The following TTC28 variants were observed in gnomAD, a reference collection of about 807,000 sequenced individuals.
TTC28 encodes the protein tetratricopeptide repeat domain 28.
In TTC28, 61 loss-of-function variants were observed where a neutral mutation model predicts 198.0. The observed-to-expected ratio is 0.31, with a 90% CI of 0.25 to 0.38. TTC28 has a LOEUF of 0.38. TTC28 is among the 10% of genes least tolerant of loss of function. The pLI, the probability that TTC28 is intolerant of heterozygous loss-of-function variation, is 1.00. For missense variants in TTC28, 2,678 were observed against 3,164.0 expected, an observed-to-expected ratio of 0.85 and a Z score of 3.69; for synonymous variants, 1,171 against 1,297.8, an observed-to-expected ratio of 0.90 and a Z score of 2.10.
chr22:28,309,678 A>G (rs1182091147), intron 2 of TTC28, among the ~76,000 whole-genome samples: 1 of 152,200 alleles, frequency 6.6e-6, no homozygotes, highest in African/African-American at 2.4e-5. Flanking sequence ...GCAGCATGCC[A>G]AAGATGGGTG....
intron 5 of TTC28, among the ~76,000 whole-genome samples, chr22:28,165,364 G>A (rs1370450575): frequency 2.0e-5 from 3 of 152,050 alleles, no homozygotes; most frequent in Non-Finnish European, 2.9e-5. Flanking sequence ...GCAACGCCAA[G>A]ACACATAATT....
At chr22:28,014,187 G>A (rs920555816) in intron 14 of TTC28, 61 bp downstream of exon 14, 15 of 1,497,604 alleles carry the variant, frequency 1.0e-5, no homozygotes, top group African/African-American at 5.6e-5. Context: ...ACATGTGGGC[G>A]CTGACTGGTA....
chr22:28,437,712 C>G (rs2047542049), intron 2 of TTC28, among the ~76,000 whole-genome samples: 1 of 152,098 alleles, frequency 6.6e-6, no homozygotes, highest in Non-Finnish European at 1.5e-5. Flanking sequence ...CCCACCTCAG[C>G]CTCCCACACA....
intron 2 of TTC28, among the ~76,000 whole-genome samples, chr22:28,623,555 T>A (rs1465568592): frequency 6.6e-6 from 1 of 152,198 alleles, no homozygotes. Context: ...TGGACTTCAT[T>A]GATATCTATG....
intron 12 of TTC28, 130 bp downstream of exon 12, chr22:28,093,950 G>T: frequency 1.1e-6 from 1 of 921,130 alleles, no homozygotes; most frequent in Non-Finnish European, 1.6e-6. Context: ...TGCTGCAGCA[G>T]CTGTGAACAG....
chr22:28,170,009 C>T (rs1384449283), intron 5 of TTC28, among the ~76,000 whole-genome samples: 1 of 152,038 alleles, frequency 6.6e-6, no homozygotes, highest in Non-Finnish European at 1.5e-5. Context: ...AGAACACATC[C>T]AAACAGCAAG....
chr22:28,235,601 AC>A (rs1265823476), intron 5 of TTC28, among the ~76,000 whole-genome samples: 1 of 152,248 alleles, frequency 6.6e-6, no homozygotes, highest in Non-Finnish European at 1.5e-5. Context: ...GACAAAAATA[AC>A]ACTGGAATAG....
chr22:28,022,821 A>C (rs899469331), intron 13 of TTC28, among the ~76,000 whole-genome samples: 7 of 152,232 alleles, frequency 4.6e-5, no homozygotes, highest in Non-Finnish European at 7.3e-5. Context: ...GCCTCAATTC[A>C]ATTAAAAAAC....
At chr22:28,120,052 A>G (rs1038568189) in intron 6 of TTC28, among the ~76,000 whole-genome samples, 6 of 152,206 alleles carry the variant, frequency 3.9e-5, no homozygotes, top group Non-Finnish European at 7.3e-5. Context: ...GATTATTAAT[A>G]AGGGAGAGGG....
chr22:28,205,340 C>T (rs1356484253), intron 5 of TTC28, among the ~76,000 whole-genome samples: 1 of 151,986 alleles, frequency 6.6e-6, no homozygotes. Context: ...GCCTATTTTT[C>T]CCAGAGCCTC....
At chr22:28,400,588 T>C (rs2046891627) in intron 2 of TTC28, among the ~76,000 whole-genome samples, 1 of 152,178 alleles carries the variant, frequency 6.6e-6, no homozygotes, top group Non-Finnish European at 1.5e-5. Flanking sequence ...CACTTGGAAA[T>C]GTCTCCTTAT....
rs134480 is a variant in TTC28 at position 28,324,428 on chromosome 22, CAA to C, written c.382-17787_382-17786del. 3.3e-4 allele frequency among the ~76,000 whole-genome samples: 49 copies of C among 146,446 alleles called. 1 individual carries two copies. Among genetic ancestry groups the C allele is most frequent in the South Asian group, 1.5e-3 (7 of 4,592 alleles). ...CTGATACCAAAACCTGGGAGAGACACAAAAAAAAAAAAGAAAATTTCAGGCCA... is the reference window on the plus strand; with the variant it reads ...CTGATACCAAAACCTGGGAGAGACACAAAAAAAAAAGAAAATTTCAGGCCA... On this transcript the variant is annotated intron_variant, in intron 2 of 22. Transcript: ENST00000397906.
At chr22:28,013,846 T>C (rs1021351514) in intron 14 of TTC28, among the ~76,000 whole-genome samples, 5 of 152,168 alleles carry the variant, frequency 3.3e-5, no homozygotes, top group African/African-American at 1.2e-4. Context: ...CTCACACTGA[T>C]GCACGGCCCC....
At chr22:28,112,143 T>C (rs1274009111) in intron 6 of TTC28, among the ~76,000 whole-genome samples, 1 of 152,210 alleles carries the variant, frequency 6.6e-6, no homozygotes, top group Non-Finnish European at 1.5e-5. Context: ...AATAAGGTCA[T>C]ATTATAATCA....
At chr22:28,157,338 C>T (rs1454532121) in intron 6 of TTC28, among the ~76,000 whole-genome samples, 1 of 152,142 alleles carries the variant, frequency 6.6e-6, no homozygotes, top group African/African-American at 2.4e-5. Context: ...AGTCCAGGAC[C>T]TGATGGCTTC....
intron 2 of TTC28, among the ~76,000 whole-genome samples, chr22:28,450,878 A>C (rs2047768471): frequency 6.6e-6 from 1 of 152,190 alleles, no homozygotes; most frequent in South Asian, 2.1e-4. Flanking sequence ...AAGCAAAACG[A>C]ATGACATGAG....
chr22:28,312,163 A>G (rs2045270982), intron 2 of TTC28, among the ~76,000 whole-genome samples: 1 of 152,234 alleles, frequency 6.6e-6, no homozygotes, highest in South Asian at 2.1e-4. Context: ...AAGAAGAGCT[A>G]ACTATCCTAA....
At chr22:28,600,585 G>T (rs936787417) in intron 2 of TTC28, among the ~76,000 whole-genome samples, 1 of 152,056 alleles carries the variant, frequency 6.6e-6, no homozygotes, top group African/African-American at 2.4e-5. Flanking sequence ...AAAATAATGA[G>T]ATTGGATAAT....
chr22:28,400,235 T>A (rs2146099303), intron 2 of TTC28, among the ~76,000 whole-genome samples: 1 of 152,292 alleles, frequency 6.6e-6, no homozygotes, highest in East Asian at 1.9e-4. Flanking sequence ...CCTATAACCA[T>A]CATCAACCAA....
Sources: allele counts gnomAD v4.1 joint callset (sites outside exome capture counted in the v4.1 genomes callset), GRCh38; gene constraint gnomAD v4.1.1; transcripts MANE v1.5; gene names NCBI Gene and HGNC (gene_info 2026-07-23, HGNC 2026-07-21).